STRADA: variants seen among roughly 807,000 people sequenced by gnomAD.
STRADA encodes STE20-related kinase adapter protein alpha.
Under a neutral mutation model 55.0 loss-of-function variants are expected in STRADA, and 26 were observed. The ratio of observed to expected loss-of-function variants is 0.47; its 90% CI spans 0.35 to 0.66. The LOEUF is 0.66. Among genes scored for constraint, STRADA ranks in the 30% least tolerant of loss-of-function variants. The probability of loss-of-function intolerance (pLI) is 0.01; values close to 1 mark genes in which losing one functional copy is unlikely to be tolerated. For synonymous variants in STRADA, 197 were observed against 210.9 expected (o/e 0.93, Z 0.57); for missense variants, 443 against 549.7 (o/e 0.81, Z 1.94).
chr17:63,739,156 A>G (rs1334067224), intron 1 of STRADA, among the ~76,000 whole-genome samples: 1 of 151,420 alleles, frequency 6.6e-6, no homozygotes, highest in African/African-American at 2.4e-5. Flanking sequence ...AAAAAAAAAA[A>G]AAAAAAAAGG....
chr17:63,740,099 T>C (rs1296610118), intron 1 of STRADA, among the ~76,000 whole-genome samples: 1 of 74,094 alleles, frequency 1.3e-5, no homozygotes, highest in African/African-American at 8.7e-5. Flanking sequence ...TATATATATA[T>C]ATATATATAC....
chr17:63,716,519 A>C (rs1281367317), intron 4 of STRADA, among the ~76,000 whole-genome samples: 2 of 152,112 alleles, frequency 1.3e-5, no homozygotes, highest in Non-Finnish European at 2.9e-5. Flanking sequence ...GGATCTTTTC[A>C]TATATTTATC....
intron 12 of STRADA, 89 bp from the exon 13 acceptor site, chr17:63,703,840 C>G: frequency 1.2e-6 from 2 of 1,608,982 alleles, no homozygotes; most frequent in Non-Finnish European, 1.7e-6. Flanking sequence ...TGGTGGCAGA[C>G]GGGCTGTCGG....
At chr17:63,729,178 C>T (rs975534961) in intron 1 of STRADA, among the ~76,000 whole-genome samples, 4 of 152,144 alleles carry the variant, frequency 2.6e-5, no homozygotes, top group Admixed American at 6.6e-5. Flanking sequence ...CCACCATGCA[C>T]AGTGTTATCC....
rs760741767 is a variant in STRADA, at chr17:63,710,596, A to G, written c.476T>C (p.Ile159Thr). The G allele has an allele frequency of 6.2e-7, 1 of 1,614,058 alleles. No homozygotes were observed. The highest frequency in any genetic ancestry group is 1.7e-4 in the Middle Eastern group (1 of 6,058). The change falls in exon 8 of 13, where the codon ATC (isoleucine) becomes ACC (threonine). Residue 159 changes from isoleucine to threonine, a missense_variant. By Grantham distance (89) the Ile-to-Thr change is moderately conservative. Coordinates refer to ENST00000336174, the MANE Select transcript of STRADA (RefSeq NM_001003787.4). The stretch of plus-strand genomic sequence containing the variant: ...CATGCCATCCATGAAGTGTGTACAG[A>G]TGAGATCTTTTGCAGAACCTGCAGA... ...FMAYGSAKDLICTHFMDGMNE... is the reference protein window; with the variant it reads ...FMAYGSAKDLTCTHFMDGMNE...
At chr17:63,706,027 G>T (rs1233064009) in intron 10 of STRADA, 1 of 152,250 alleles carries the variant, frequency 6.6e-6, no homozygotes, top group Non-Finnish European at 1.5e-5. Flanking sequence ...ACTCCAAGTA[G>T]CTGGGACCCA....
At chr17:63,734,945 G>A (rs1289174884) in intron 1 of STRADA, among the ~76,000 whole-genome samples, 2 of 152,200 alleles carry the variant, frequency 1.3e-5, no homozygotes, top group African/African-American at 4.8e-5. Flanking sequence ...ATCACCTGAG[G>A]TCAGGAGTTC....
At chr17:63,720,672 G>C (rs929625134) in intron 4 of STRADA, among the ~76,000 whole-genome samples, 5 of 151,852 alleles carry the variant, frequency 3.3e-5, no homozygotes, top group South Asian at 4.1e-4. Flanking sequence ...TACTCGGGAG[G>C]CTGAGGCAGG....
rs189618356 is a variant in STRADA at position 63,724,144 on chromosome 17, T to A, written c.95-818A>T. Among the ~76,000 whole-genome samples the A allele has an allele frequency of 6.7e-3, 1,017 of 152,242 alleles. 10 individuals are homozygous for A. Among genetic ancestry groups the A allele is most frequent in the African/African-American group, 0.023 (940 of 41,538 alleles). On this transcript the variant is annotated intron_variant, in intron 3 of 12. Coordinates refer to ENST00000336174, the MANE Select transcript of STRADA (RefSeq NM_001003787.4). Reference sequence around the variant, plus strand: ...GCTTTCTTCTTTTTAATTTTTTTTTTAATTTTTTATTTTTTGGAGGCAGAG... The same window carrying A: ...GCTTTCTTCTTTTTAATTTTTTTTTAAATTTTTTATTTTTTGGAGGCAGAG...
chr17:63,731,222 C>T (rs530899465), intron 1 of STRADA, among the ~76,000 whole-genome samples: 15 of 142,816 alleles, frequency 1.1e-4, no homozygotes, highest in South Asian at 4.4e-4. Context: ...GGATTACAGG[C>T]GTGACTCACT....
At chr17:63,706,287 C>A (rs1336465911) in intron 10 of STRADA, 1 of 174,382 alleles carries the variant, frequency 5.7e-6, no homozygotes, top group African/African-American at 2.4e-5. Context: ...AGAAACTGAC[C>A]TTCCAGGTAT....
intron 1 of STRADA, among the ~76,000 whole-genome samples, chr17:63,737,981 C>T (rs762571306): frequency 5.4e-5 from 8 of 148,552 alleles, no homozygotes; most frequent in Non-Finnish European, 1.2e-4. Flanking sequence ...AGAGGGACCC[C>T]GTCGAAAAGA....
At chr17:63,741,574 C>G (rs1403937782) in intron 1 of STRADA, 167 bp downstream of exon 1, 1 of 152,696 alleles carries the variant, frequency 6.5e-6, no homozygotes, top group East Asian at 1.9e-4. Context: ...GCTGCGGCGC[C>G]TCATTGCGGG....
At position 63,739,069 on chromosome 17, in the gene STRADA, C is replaced by T. The variant is rs539538123; in HGVS notation, c.-45+2672G>A. 1.7e-4 allele frequency among the ~76,000 whole-genome samples: 23 copies of T among 132,746 alleles called. No individual in the cohort carries two copies. The East Asian group carries it at 4.1e-3, about 24-fold the overall frequency. 87.1% of individuals were successfully genotyped at this position (132,746 alleles called of 152,430 possible). On this transcript the variant is annotated intron_variant, in intron 1 of 12. Coordinates refer to ENST00000336174, the MANE Select transcript of STRADA (RefSeq NM_001003787.4). ...TTGGGAGGCTGAGGCAGGAGAATGG[C>T]GTGAACCTGGGAGGCGAAGCAAGAC...
chr17:63,721,830 C>A (rs1194052921), intron 4 of STRADA, among the ~76,000 whole-genome samples: 1 of 152,182 alleles, frequency 6.6e-6, no homozygotes, highest in African/African-American at 2.4e-5. Flanking sequence ...ACTGCTCTGT[C>A]CCCAGCTTAC....
At position 63,703,614 on chromosome 17, in the gene STRADA, G is replaced by A. The variant is rs758494527; in HGVS notation, c.1281C>T (p.Asp427=). 69 of 1,613,828 alleles carry A rather than the reference G, an allele frequency of 4.3e-5. No homozygotes were observed. The highest frequency in any genetic ancestry group is 1.6e-4 in the Middle Eastern group (1 of 6,084). Residue 427 remains aspartate, a synonymous_variant, in exon 13 of 13, where the codon GAC becomes GAT. Transcript: ENST00000336174. The stretch of plus-strand genomic sequence containing the variant: ...TTGCAGAGGCTCAGAACTCCCAATC[G>A]TCCACCTCCAGCTCTTCCAGGTTTG... ...LVTNLEELEV[D]DWEF is the part of the protein sequence containing the mutation.
intron 10 of STRADA, 44 bp from the exon 11 acceptor site, chr17:63,704,626 G>GA (rs747519905): frequency 2.0e-6 from 2 of 992,008 alleles, no homozygotes; most frequent in Non-Finnish European, 2.8e-6. Flanking sequence ...CGGGTGGGGG[G>GA]GGGGGGTGGT....
chr17:63,706,775 T>C (rs1452563308), intron 9 of STRADA, 36 bp from the exon 10 acceptor site: 1 of 1,535,450 alleles, frequency 6.5e-7, no homozygotes. Context: ...ATTACCCCAT[T>C]TGGTCTTTGT....
intron 1 of STRADA, among the ~76,000 whole-genome samples, chr17:63,729,878 C>A (rs1315982576): frequency 2.0e-5 from 3 of 150,758 alleles, no homozygotes; most frequent in African/African-American, 7.3e-5. Flanking sequence ...ACTCTTGTTG[C>A]CCAGGCTGAA....
Sources: allele counts gnomAD v4.1 joint callset (sites outside exome capture counted in the v4.1 genomes callset), GRCh38; gene constraint gnomAD v4.1.1; transcripts MANE v1.5; gene names NCBI Gene and HGNC (gene_info 2026-07-23, HGNC 2026-07-21).